The following ITSN1 variants were observed in gnomAD, a reference collection of about 807,000 sequenced individuals.
The protein encoded by ITSN1 is intersectin 1.
Under a neutral mutation model 239.8 loss-of-function variants are expected in ITSN1, and 58 were observed. The observed-to-expected ratio is 0.24, with a 90% CI of 0.20 to 0.30. The LOEUF (loss-of-function observed/expected upper bound fraction) is 0.30, where lower values mean the gene tolerates loss of function less well. ITSN1 is among the 10% of genes least tolerant of loss of function. ITSN1 has a pLI of 1.00. For synonymous variants in ITSN1, 780 were observed against 770.8 expected (o/e 1.01, Z -0.20); for missense variants, 1,558 against 2,103.3 (o/e 0.74, Z 5.07).
intron 30 of ITSN1, among the ~76,000 whole-genome samples, chr21:33,857,695 G>A (rs1979621161): frequency 1.3e-5 from 2 of 152,312 alleles, no homozygotes; most frequent in Non-Finnish European, 1.5e-5. Flanking sequence ...TACTTAGGAA[G>A]CATTGATGCA....
chr21:33,695,822 T>C (rs2091769981), intron 1 of ITSN1, among the ~76,000 whole-genome samples: 1 of 152,114 alleles, frequency 6.6e-6, no homozygotes, highest in Non-Finnish European at 1.5e-5. Context: ...AGAAAAGGAG[T>C]GAAATCCCCA....
chr21:33,883,236 G>C (rs577025398), intron 35 of ITSN1, among the ~76,000 whole-genome samples: 4 of 152,146 alleles, frequency 2.6e-5, no homozygotes, highest in Non-Finnish European at 5.9e-5. Context: ...GCAAAATCGT[G>C]GGCGGGGGAA....
Position 33,890,158 on chromosome 21 carries a change from A to G in ITSN1, c.*1858A>G, listed in dbSNP as rs1288005080. 2 of 152,256 alleles carry G rather than the reference A, an allele frequency of 1.3e-5. No homozygotes were observed. Among genetic ancestry groups the G allele is most frequent in the African/African-American group, 2.4e-5 (1 of 41,476 alleles). 9.4% of individuals were successfully genotyped at this position (152,256 alleles called of 1,614,324 possible). A position where few individuals can be genotyped will look rare whatever the true frequency, so the allele number is the denominator to read the frequency against. On this transcript the variant is annotated 3_prime_UTR_variant, in exon 40 of 40. Transcript: ENST00000381318. ...TGTTGTTAAGAAACTTTTAAATTAA[A>G]TCTATAAATAGACATGCAACTCATG...
At chr21:33,744,057 A>G (rs756883933) in intron 5 of ITSN1, among the ~76,000 whole-genome samples, 6 of 152,230 alleles carry the variant, frequency 3.9e-5, no homozygotes, top group Admixed American at 2.6e-4. Flanking sequence ...CACTAAATAT[A>G]TAGTTAGCTG....
intron 1 of ITSN1, among the ~76,000 whole-genome samples, chr21:33,682,844 T>G (rs2091042682): frequency 6.6e-6 from 1 of 152,138 alleles, no homozygotes; most frequent in Admixed American, 6.5e-5. Flanking sequence ...TGAACATTGT[T>G]TATATTTATT....
At chr21:33,883,372 A>G (rs779633589) in intron 35 of ITSN1, among the ~76,000 whole-genome samples, 178 bp from the exon 36 acceptor site, 2 of 152,208 alleles carry the variant, frequency 1.3e-5, no homozygotes, top group Non-Finnish European at 2.9e-5. Flanking sequence ...CACACCCAGA[A>G]ACACACACAC....
rs550089588 is a variant in ITSN1, at chr21:33,875,530, C to T, written c.4341+9C>T. On this transcript the variant is annotated intron_variant, in intron 34 of 39. Transcript: ENST00000381318. ...GTGAAGGCCTGTCTGAGGTAGCCAA[C>T]CTTGGGGCTGGGCCCTGGTCTCCCC... is the stretch of plus-strand genomic sequence containing the variant. 1 of 1,611,604 alleles carries T rather than the reference C, an allele frequency of 6.2e-7. No individual in the cohort carries two copies. The highest frequency in any genetic ancestry group is 8.5e-7 in the Non-Finnish European group (1 of 1,178,176).
chr21:33,811,454 T>C (rs1261086255), intron 21 of ITSN1, among the ~76,000 whole-genome samples: 2 of 152,242 alleles, frequency 1.3e-5, no homozygotes, highest in Non-Finnish European at 2.9e-5. Flanking sequence ...AAGCCTGTTA[T>C]CTTGTTTTGT....
chr21:33,769,617 G>A (rs1339584294), intron 11 of ITSN1, among the ~76,000 whole-genome samples: 9 of 152,020 alleles, frequency 5.9e-5, no homozygotes, highest in Admixed American at 6.6e-5. Context: ...CAGTTTTTTT[G>A]CTCACATGGG....
intron 1 of ITSN1, among the ~76,000 whole-genome samples, chr21:33,649,268 G>A (rs1024507367): frequency 2.0e-5 from 3 of 152,164 alleles, no homozygotes; most frequent in African/African-American, 7.2e-5. Context: ...TGAATGTGAA[G>A]GCCTCAGTGT....
chr21:33,887,020 A>G (rs1985904274), intron 39 of ITSN1, among the ~76,000 whole-genome samples: 1 of 152,044 alleles, frequency 6.6e-6, no homozygotes, highest in East Asian at 1.9e-4. Context: ...CTCTCCCTCA[A>G]CCCAATAAAA....
chr21:33,799,042 C>T (rs1038552180), intron 18 of ITSN1, among the ~76,000 whole-genome samples: 1 of 152,116 alleles, frequency 6.6e-6, no homozygotes, highest in African/African-American at 2.4e-5. Flanking sequence ...GATAATACTT[C>T]CCCCTCGTTG....
At chr21:33,700,067 G>T (rs530517841) in intron 1 of ITSN1, among the ~76,000 whole-genome samples, 106 of 141,868 alleles carry the variant, frequency 7.5e-4, no homozygotes, top group African/African-American at 2.7e-3. Flanking sequence ...TGCTTGAATT[G>T]TTTTTTTTTT....
At chr21:33,698,056 A>T (rs565730924) in intron 1 of ITSN1, among the ~76,000 whole-genome samples, 102 of 152,112 alleles carry the variant, frequency 6.7e-4, no homozygotes, top group African/African-American at 2.2e-3. Flanking sequence ...TTTCACCTTT[A>T]TGTTGTAGCT....
At chr21:33,644,039 C>A (rs2087701287) in intron 1 of ITSN1, 1 of 152,306 alleles carries the variant, frequency 6.6e-6, no homozygotes, top group African/African-American at 2.4e-5. Context: ...CACTCTAAAC[C>A]CCCAAAATAT....
chr21:33,763,412 T>C (rs1468976102), intron 9 of ITSN1, among the ~76,000 whole-genome samples: 1 of 152,072 alleles, frequency 6.6e-6, no homozygotes, highest in Non-Finnish European at 1.5e-5. Context: ...ACTATTGACA[T>C]TTTGGGCCCG....
In ITSN1 at chr21:33,896,841, C is replaced by T. The variant is rs1450692199; in HGVS notation, c.*8541C>T. 1 of 152,236 alleles carries T rather than the reference C, an allele frequency of 6.6e-6. No homozygotes were observed. Among genetic ancestry groups the T allele is most frequent in the Non-Finnish European group, 1.5e-5 (1 of 68,046 alleles). The allele number at this position is 152,236 out of a possible 1,614,324, so 9.4% of individuals were successfully genotyped here. ...CATATACATTGAGCAATAATCCTCACTATGTTTCCTGATTCTGTCTGGGAT... is the reference window on the plus strand; with the variant it reads ...CATATACATTGAGCAATAATCCTCATTATGTTTCCTGATTCTGTCTGGGAT... On this transcript the variant is annotated 3_prime_UTR_variant, in exon 40 of 40. Transcript: ENST00000381318.
intron 5 of ITSN1, among the ~76,000 whole-genome samples, chr21:33,741,284 T>A (rs965467000): frequency 3.3e-5 from 5 of 152,182 alleles, no homozygotes; most frequent in African/African-American, 1.2e-4. Flanking sequence ...GGATTTGGAG[T>A]ATAATTCAGT....
At chr21:33,792,116 A>G (rs769716306) in intron 16 of ITSN1, among the ~76,000 whole-genome samples, 2 of 152,238 alleles carry the variant, frequency 1.3e-5, no homozygotes, top group African/African-American at 2.4e-5. Flanking sequence ...AAGAACACCT[A>G]AAGATCATCC....
Sources: gnomAD v4.1 joint callset for allele counts (sites outside exome capture counted in the v4.1 genomes callset) on GRCh38, gnomAD v4.1.1 for gene constraint, MANE v1.5 for transcripts, NCBI Gene and HGNC (gene_info 2026-07-23, HGNC 2026-07-21) for gene names.